Variants in NTM observed in about 807,000 individuals in gnomAD.
NTM encodes the protein neurotrimin, also known as IgLON family member 2.
A neutral mutation model predicts 42.1 loss-of-function variants in NTM; 13 were observed. The ratio of observed to expected loss-of-function variants is 0.31; its 90% CI spans 0.20 to 0.49. NTM has a LOEUF of 0.49. NTM is among the 20% of genes least tolerant of loss of function. The probability of loss-of-function intolerance (pLI) is 0.99; values close to 1 mark genes in which losing one functional copy is unlikely to be tolerated. For synonymous variants in NTM, 187 were observed against 179.2 expected (o/e 1.04, Z -0.35); for missense variants, 373 against 452.8 (o/e 0.82, Z 1.60).
At chr11:132,207,037 C>T (rs2138578723) in intron 3 of NTM, among the ~76,000 whole-genome samples, 1 of 152,304 alleles carries the variant, frequency 6.6e-6, no homozygotes, top group South Asian at 2.1e-4. Context: ...ATATACCTAG[C>T]ACACCATTGT....
chr11:131,526,149 G>C (rs2050448639), intron 1 of NTM, among the ~76,000 whole-genome samples: 2 of 152,220 alleles, frequency 1.3e-5, no homozygotes, highest in Non-Finnish European at 2.9e-5. Context: ...ACTCAGAGAA[G>C]CCAAGAGCCC....
At chr11:131,950,897 G>T (rs2060911288) in intron 2 of NTM, among the ~76,000 whole-genome samples, 1 of 152,168 alleles carries the variant, frequency 6.6e-6, no homozygotes, top group Non-Finnish European at 1.5e-5. Flanking sequence ...AACTCATCAG[G>T]AACCTGTTCT....
intron 1 of NTM, among the ~76,000 whole-genome samples, chr11:131,789,981 A>G (rs948536526): frequency 2.7e-5 from 4 of 148,536 alleles, no homozygotes; most frequent in African/African-American, 1.0e-4. Flanking sequence ...AAAAAAAAAA[A>G]GCATGCTTCT....
intron 4 of NTM, among the ~76,000 whole-genome samples, chr11:132,215,717 C>T (rs2083711148): frequency 6.6e-6 from 1 of 152,192 alleles, no homozygotes; most frequent in Middle Eastern, 3.2e-3. Context: ...TTTGTAGTTC[C>T]CTTCAGGAAT....
At chr11:131,660,314 C>A in intron 1 of NTM, 1 of 361,632 alleles carries the variant, frequency 2.8e-6, no homozygotes. Flanking sequence ...AAGACAGATG[C>A]TGCAGGATGA....
At chr11:131,788,156 C>T (rs376167044) in intron 1 of NTM, among the ~76,000 whole-genome samples, 2 of 152,048 alleles carry the variant, frequency 1.3e-5, no homozygotes, top group East Asian at 1.9e-4. Context: ...ATGTTAAGTC[C>T]GTCATTTTAG....
intron 1 of NTM, among the ~76,000 whole-genome samples, chr11:131,589,538 G>A (rs2059181415): frequency 6.6e-6 from 1 of 152,166 alleles, no homozygotes; most frequent in Non-Finnish European, 1.5e-5. Context: ...TCTTACACAT[G>A]ATGATGAAAC....
At chr11:131,890,385 G>C (rs949195628) in intron 1 of NTM, among the ~76,000 whole-genome samples, 1 of 152,162 alleles carries the variant, frequency 6.6e-6, no homozygotes, top group African/African-American at 2.4e-5. Context: ...TGGCATTGCT[G>C]TGCTAATGGT....
chr11:131,929,074 CA>C (rs779175251), intron 2 of NTM, among the ~76,000 whole-genome samples: 10 of 152,212 alleles, frequency 6.6e-5, no homozygotes, highest in Non-Finnish European at 1.3e-4. Context: ...CTCGAGAAGA[CA>C]ATGAAGAAGT....
At chr11:132,027,307 G>A (rs1346257642) in intron 2 of NTM, among the ~76,000 whole-genome samples, 1 of 152,130 alleles carries the variant, frequency 6.6e-6, no homozygotes, top group Non-Finnish European at 1.5e-5. Flanking sequence ...GATTGATAGA[G>A]GAATCCCTGA....
In NTM at chr11:132,002,158, C is replaced by G. The variant is rs141157807; in HGVS notation, c.167+90510C>G. On this transcript the variant is annotated intron_variant, in intron 2 of 8. Transcript: ENST00000683400. This position sits in a 1 kb window ranked among gnomAD's most constrained non-coding sequence, Gnocchi z 4.5. The stretch of plus-strand genomic sequence containing the variant: ...AGAGGGTGGAGGCTCTTCAAATGTC[C>G]GATTAAAGGTATTGGACTTTTCTCC... 6.6e-6 allele frequency among the ~76,000 whole-genome samples: 1 copy of G among 152,092 alleles called. No homozygotes were observed.
chr11:131,573,279 T>C (rs1267914830), intron 1 of NTM, among the ~76,000 whole-genome samples: 1 of 151,464 alleles, frequency 6.6e-6, no homozygotes, highest in Non-Finnish European at 1.5e-5. Flanking sequence ...TCTGCTTATT[T>C]GTCATTGTGT....
intron 1 of NTM, among the ~76,000 whole-genome samples, chr11:131,552,441 G>T (rs1315721190): frequency 1.3e-5 from 2 of 149,394 alleles, no homozygotes; most frequent in African/African-American, 5.0e-5. Context: ...TGGTAACCTT[G>T]TTTAAAGCAG....
chr11:132,141,838 C>T (rs1190125614), intron 2 of NTM, among the ~76,000 whole-genome samples: 3 of 152,164 alleles, frequency 2.0e-5, no homozygotes, highest in Non-Finnish European at 4.4e-5. Context: ...GTATGCTAGG[C>T]CATGGGCTGT....
At chr11:131,517,607 G>C (rs1348939886) in intron 1 of NTM, among the ~76,000 whole-genome samples, 1 of 151,882 alleles carries the variant, frequency 6.6e-6, no homozygotes, top group Non-Finnish European at 1.5e-5. Flanking sequence ...CCCTTCTTTT[G>C]TTTTTAAGCT....
At chr11:131,820,725 A>G (rs1415203307) in intron 1 of NTM, among the ~76,000 whole-genome samples, 4 of 152,208 alleles carry the variant, frequency 2.6e-5, no homozygotes, top group Non-Finnish European at 5.9e-5. Context: ...ACTTATAAAG[A>G]TATTAAATAC....
chr11:131,444,037 T>A (rs551139731), intron 1 of NTM, among the ~76,000 whole-genome samples: 5 of 152,164 alleles, frequency 3.3e-5, no homozygotes, highest in African/African-American at 1.2e-4. Flanking sequence ...AGAAAATGTT[T>A]GCGTTATTAA....
At chr11:131,897,880 G>A (rs527524810) in intron 1 of NTM, among the ~76,000 whole-genome samples, 14 of 152,262 alleles carry the variant, frequency 9.2e-5, no homozygotes, top group Middle Eastern at 6.8e-3. Flanking sequence ...CATTTGTGTC[G>A]TGTCAATTTC....
intron 1 of NTM, among the ~76,000 whole-genome samples, chr11:131,623,613 G>A (rs866703291): frequency 2.0e-5 from 3 of 152,180 alleles, no homozygotes; most frequent in African/African-American, 4.8e-5. Context: ...ACTAATCAGC[G>A]ATGGGTTAGG....
Sources: allele counts gnomAD v4.1 joint callset (sites outside exome capture counted in the v4.1 genomes callset), GRCh38; gene constraint gnomAD v4.1.1; non-coding constraint Gnocchi (gnomAD v3.1); transcripts MANE v1.5; gene names NCBI Gene and HGNC (gene_info 2026-07-23, HGNC 2026-07-21).